ZNF618: variants seen among roughly 807,000 people sequenced by gnomAD.
ZNF618 encodes neural precursor cell expressed, developmentally down-regulated 10.
Under a neutral mutation model 103.0 loss-of-function variants are expected in ZNF618, and 34 were observed. The observed-to-expected ratio is 0.33, with a 90% CI of 0.25 to 0.44. The LOEUF is 0.44. Among genes scored for constraint, ZNF618 ranks in the 20% least tolerant of loss-of-function variants. The pLI is 1.00. For synonymous variants in ZNF618, 551 were observed against 542.2 expected (o/e 1.02, Z -0.23); for missense variants, 1,059 against 1,295.4 (o/e 0.82, Z 2.80).
chr9:113,958,547 C>T (rs1404318205), intron 1 of ZNF618, among the ~76,000 whole-genome samples: 2 of 152,182 alleles, frequency 1.3e-5, no homozygotes, highest in African/African-American at 4.8e-5. Context: ...ATTTAATCCT[C>T]ACAATGGCTC....
chr9:113,957,071 C>T (rs1836378919), intron 1 of ZNF618, among the ~76,000 whole-genome samples: 1 of 152,164 alleles, frequency 6.6e-6, no homozygotes, highest in African/African-American at 2.4e-5. Context: ...AGGGCTTGAA[C>T]CCAACCCATC....
At chr9:113,944,235 C>T (rs1330724140) in intron 1 of ZNF618, among the ~76,000 whole-genome samples, 4 of 152,144 alleles carry the variant, frequency 2.6e-5, no homozygotes, top group South Asian at 4.1e-4. Flanking sequence ...AATGAATGCT[C>T]GTCTTCCCCC....
At chr9:113,886,463 G>A (rs1486967741) in intron 1 of ZNF618, among the ~76,000 whole-genome samples, 3 of 152,058 alleles carry the variant, frequency 2.0e-5, no homozygotes, top group Non-Finnish European at 2.9e-5. Flanking sequence ...AAGAATAGAC[G>A]AAGACATTTT....
intron 1 of ZNF618, among the ~76,000 whole-genome samples, chr9:113,935,953 G>GA (rs774854789): frequency 2.0e-5 from 3 of 152,170 alleles, no homozygotes; most frequent in Non-Finnish European, 2.9e-5. Flanking sequence ...CACAGGCTGG[G>GA]ATTCTTTTTT....
intron 2 of ZNF618, 26 bp downstream of exon 2, chr9:113,969,186 T>C: frequency 1.9e-6 from 3 of 1,613,938 alleles, no homozygotes; most frequent in Non-Finnish European, 1.7e-6. Flanking sequence ...CGCCCCCAGC[T>C]TGTCCACCCA....
Position 114,033,389 on chromosome 9 carries a change from AAGAGAGAG to A in ZNF618, c.1168+686_1168+693del, listed in dbSNP as rs10624141. On this transcript the variant is annotated intron_variant, in intron 12 of 14. Transcript: ENST00000374126. ...TGACAGAGCGAGACTCTGTCTCAAAAAGAGAGAGAGAGAGAGAGAGAGAGAGAGAGAGC... is the reference window on the plus strand; with the variant it reads ...TGACAGAGCGAGACTCTGTCTCAAAAAGAGAGAGAGAGAGAGAGAGAGAGC... Among the ~76,000 whole-genome samples, 867 of 147,172 alleles carry A rather than the reference AAGAGAGAG, an allele frequency of 5.9e-3. 5 individuals carry two copies. Among genetic ancestry groups the A allele is most frequent in the Non-Finnish European group, 6.1e-3 (407 of 66,588 alleles).
At chr9:113,942,213 A>G (rs1834619016) in intron 1 of ZNF618, among the ~76,000 whole-genome samples, 2 of 151,816 alleles carry the variant, frequency 1.3e-5, no homozygotes, top group South Asian at 4.2e-4. Context: ...ACTGAAAATG[A>G]TGGAGCTTGA....
At chr9:113,960,952 C>T (rs814695) in intron 1 of ZNF618, among the ~76,000 whole-genome samples, 6,587 of 152,284 alleles carry the variant, frequency 0.043, 165 homozygotes, top group African/African-American at 0.066. Flanking sequence ...ATTGGTGAAG[C>T]CTTCAGAGAA....
rs1846034051 is a variant in ZNF618 at position 114,050,246 on chromosome 9, A to G, written c.*79A>G. 1 of 1,470,080 alleles carries G rather than the reference A, an allele frequency of 6.8e-7. No homozygotes were observed. The highest frequency in any genetic ancestry group is 9.0e-7 in the Non-Finnish European group (1 of 1,107,788). 91.1% of individuals were successfully genotyped at this position (1,470,080 alleles called of 1,614,324 possible). A position where few individuals can be genotyped will look rare whatever the true frequency, so the allele number is the denominator to read the frequency against. On this transcript the variant is annotated 3_prime_UTR_variant, in exon 15 of 15. Transcript: ENST00000374126. The stretch of plus-strand genomic sequence containing the variant: ...ACCACACAACACTGTCACAAAGAAA[A>G]GGAATTTAAGTTCTAAACACTGTGG...
rs34650597 is a variant in ZNF618, at chr9:114,012,991, G to GA, written c.755-3692dup. On this transcript the variant is annotated intron_variant, in intron 9 of 14. Transcript: ENST00000374126. Reference sequence around the variant, plus strand: ...TCTCAGTGACTTTTTAAAACTATAGGAAAAAAAAAAAACCTATATAAGCAT... The same window carrying GA: ...TCTCAGTGACTTTTTAAAACTATAGGAAAAAAAAAAAAACCTATATAAGCAT... Among the ~76,000 whole-genome samples, 540 of 145,796 alleles carry GA rather than the reference G, an allele frequency of 3.7e-3. 2 individuals carry two copies. The highest frequency in any genetic ancestry group is 9.6e-3 in the South Asian group (44 of 4,560).
chr9:114,041,673 G>A (rs1188305557), intron 13 of ZNF618, among the ~76,000 whole-genome samples: 2 of 152,194 alleles, frequency 1.3e-5, no homozygotes, highest in Non-Finnish European at 2.9e-5. Context: ...GCTCTGTTCT[G>A]TTCCATTGGT....
At chr9:113,965,173 G>A (rs1837276573) in intron 1 of ZNF618, among the ~76,000 whole-genome samples, 1 of 151,922 alleles carries the variant, frequency 6.6e-6, no homozygotes, top group African/African-American at 2.4e-5. Flanking sequence ...TTAAAAAAGG[G>A]TTTATTTTAT....
At chr9:113,897,909 T>C (rs1830181419) in intron 1 of ZNF618, among the ~76,000 whole-genome samples, 1 of 152,216 alleles carries the variant, frequency 6.6e-6, no homozygotes, top group African/African-American at 2.4e-5. Context: ...TTCTCCTGAT[T>C]AGCCTCCCGA....
chr9:114,018,498 A>G (rs922733455), intron 10 of ZNF618, among the ~76,000 whole-genome samples: 19 of 152,256 alleles, frequency 1.2e-4, no homozygotes, highest in Non-Finnish European at 2.8e-4. Context: ...TTTGGAGACT[A>G]TCTTCAGTGC....
At chr9:114,004,345 C>CCAGCCT (rs1160916815) in intron 6 of ZNF618, among the ~76,000 whole-genome samples, 8 of 152,354 alleles carry the variant, frequency 5.3e-5, no homozygotes, top group Admixed American at 2.6e-4. Context: ...TGCCCCAGCC[C>CCAGCCT]CAGCCTCAGC....
chr9:113,879,413 T>TTTA (rs1554715441), intron 1 of ZNF618, among the ~76,000 whole-genome samples: 32 of 146,004 alleles, frequency 2.2e-4, no homozygotes, highest in East Asian at 8.6e-4. Context: ...TTTTTTTTTT[T>TTTA]AAATTGGTTA....
chr9:113,883,051 G>A (rs1485301282), intron 1 of ZNF618, among the ~76,000 whole-genome samples: 1 of 152,232 alleles, frequency 6.6e-6, no homozygotes, highest in Admixed American at 6.5e-5. Context: ...AGGGTCTGGC[G>A]CAGAGCAGCA....
chr9:113,978,642 C>T (rs1838701090), intron 2 of ZNF618, among the ~76,000 whole-genome samples: 1 of 152,156 alleles, frequency 6.6e-6, no homozygotes, highest in African/African-American at 2.4e-5. Flanking sequence ...ATTCATTCAA[C>T]AGGTGTTTTT....
At chr9:114,014,011 T>C (rs1842461551) in intron 9 of ZNF618, among the ~76,000 whole-genome samples, 1 of 152,206 alleles carries the variant, frequency 6.6e-6, no homozygotes, top group Non-Finnish European at 1.5e-5. Context: ...AAAAATGCTA[T>C]TTCCCACTTG....
Sources: allele counts gnomAD v4.1 joint callset (sites outside exome capture counted in the v4.1 genomes callset), GRCh38; gene constraint gnomAD v4.1.1; transcripts MANE v1.5; gene names NCBI Gene and HGNC (gene_info 2026-07-23, HGNC 2026-07-21).